Variants in LRP1B observed in about 807,000 individuals in gnomAD.
The protein encoded by LRP1B is LDL receptor related protein 1B.
Under a neutral mutation model 556.6 loss-of-function variants are expected in LRP1B, and 217 were observed. The observed-to-expected ratio is 0.39, with a 90% confidence interval of 0.35 to 0.44. The LOEUF is 0.44. Among genes scored for constraint, LRP1B ranks in the 20% least tolerant of loss-of-function variants. The pLI is 1.00. For missense variants in LRP1B, 5,053 were observed against 5,620.8 expected, an observed-to-expected ratio of 0.90 and a Z score of 3.23; for synonymous variants, 2,047 against 1,865.8, an observed-to-expected ratio of 1.10 and a Z score of -2.50.
chr2:141,329,319 A>AG (rs1161589093), intron 3 of LRP1B, among the ~76,000 whole-genome samples: 4 of 147,884 alleles, frequency 2.7e-5, no homozygotes, highest in African/African-American at 1.0e-4. Context: ...AACCGGGAAG[A>AG]GGAGGTCAAA....
chr2:141,691,818 A>G (rs1171157220), intron 2 of LRP1B, among the ~76,000 whole-genome samples: 1 of 151,846 alleles, frequency 6.6e-6, no homozygotes, highest in Non-Finnish European at 1.5e-5. Context: ...CGTCTTCTGC[A>G]CTCCACAATC....
chr2:140,625,404 C>CCTGTT (rs1683620499), intron 41 of LRP1B, among the ~76,000 whole-genome samples: 1 of 152,096 alleles, frequency 6.6e-6, no homozygotes, highest in Admixed American at 6.6e-5. Context: ...AACTTAAAAG[C>CCTGTT]CTGTTCTGCA....
intron 2 of LRP1B, among the ~76,000 whole-genome samples, chr2:141,740,329 G>A (rs187093005): frequency 6.6e-6 from 1 of 152,162 alleles, no homozygotes; most frequent in Non-Finnish European, 1.5e-5. Flanking sequence ...AGTCTAATCA[G>A]TGTAATATAC....
At chr2:141,277,100 G>T (rs1467395929) in intron 3 of LRP1B, among the ~76,000 whole-genome samples, 1 of 152,160 alleles carries the variant, frequency 6.6e-6, no homozygotes, top group African/African-American at 2.4e-5. Flanking sequence ...TAATAAACAT[G>T]CAAGTGCATA....
Position 141,196,344 on chromosome 2 carries a change from T to G in LRP1B, c.851-7761A>C, listed in dbSNP as rs372444122. ...ATTAGTATTTTTAAAATTTAAAGCT[T>G]ATATATAACTTAACGACTTTCTGCT... On this transcript the variant is annotated intron_variant, in intron 6 of 90. Transcript: ENST00000389484. Among the ~76,000 whole-genome samples, 28 of 152,174 alleles carry G rather than the reference T, an allele frequency of 1.8e-4. 1 individual carries two copies. Among genetic ancestry groups the G allele is most frequent in the East Asian group, 1.7e-3 (9 of 5,148 alleles).
At chr2:141,303,241 G>A (rs1022381272) in intron 3 of LRP1B, among the ~76,000 whole-genome samples, 8 of 152,170 alleles carry the variant, frequency 5.3e-5, no homozygotes, top group South Asian at 2.1e-4. Flanking sequence ...GCTATTTAGC[G>A]TATCCATCAC....
At chr2:141,786,663 C>A (rs1436433852) in intron 2 of LRP1B, among the ~76,000 whole-genome samples, 1 of 151,826 alleles carries the variant, frequency 6.6e-6, no homozygotes, top group Non-Finnish European at 1.5e-5. Flanking sequence ...CTGGCTAGGA[C>A]CACTGGTATG....
intron 76 of LRP1B, 144 bp from the exon 77 acceptor site, chr2:140,351,182 G>C (rs1420169588): frequency 1.8e-6 from 1 of 549,646 alleles, no homozygotes; most frequent in Non-Finnish European, 3.1e-6. Context: ...TTGTCTTTTA[G>C]TCTTTATGGC....
intron 1 of LRP1B, among the ~76,000 whole-genome samples, chr2:141,856,347 A>G (rs1449071848): frequency 6.6e-6 from 1 of 152,162 alleles, no homozygotes; most frequent in African/African-American, 2.4e-5. Context: ...CAAAAGGATC[A>G]TCTAATCCAG....
chr2:140,888,653 T>C (rs1693709441), intron 23 of LRP1B, among the ~76,000 whole-genome samples: 1 of 152,074 alleles, frequency 6.6e-6, no homozygotes, highest in Non-Finnish European at 1.5e-5. Flanking sequence ...AGAAATGTGT[T>C]AGCAAAATTG....
chr2:141,643,920 A>T (rs1427653452), intron 2 of LRP1B, among the ~76,000 whole-genome samples: 1 of 152,084 alleles, frequency 6.6e-6, no homozygotes, highest in African/African-American at 2.4e-5. Context: ...CAAGGATTAG[A>T]ATAGGTTTAG....
intron 2 of LRP1B, among the ~76,000 whole-genome samples, chr2:141,612,994 A>G (rs1465375125): frequency 6.7e-5 from 10 of 150,310 alleles, no homozygotes; most frequent in Admixed American, 1.3e-4. Flanking sequence ...TATTTTCAGT[A>G]GAGATGGGGT....
At position 140,980,860 on chromosome 2, in the gene LRP1B, C is replaced by T. The variant is rs375209789; in HGVS notation, c.2887+1300G>A. Among the ~76,000 whole-genome samples, 114 of 152,244 alleles carry T rather than the reference C, an allele frequency of 7.5e-4. 2 individuals are homozygous for T. The highest frequency in any genetic ancestry group is 1.1e-3 in the Non-Finnish European group (76 of 68,000). On this transcript the variant is annotated intron_variant, in intron 18 of 90. Coordinates refer to ENST00000389484, the MANE Select transcript of LRP1B (RefSeq NM_018557.3). ...CCAACCTTAGTGCCCATCCAACCAA[C>T]GCCTGGATAAAGAAAATGTAGTATA... is the stretch of plus-strand genomic sequence containing the variant.
At chr2:141,003,191 C>G (rs1697475696) in intron 15 of LRP1B, among the ~76,000 whole-genome samples, 1 of 151,760 alleles carries the variant, frequency 6.6e-6, no homozygotes. Flanking sequence ...TCCCAAATAT[C>G]AACTAAAAAG....
intron 1 of LRP1B, among the ~76,000 whole-genome samples, chr2:142,020,689 G>T (rs1190748894): frequency 1.3e-5 from 2 of 151,854 alleles, no homozygotes; most frequent in Non-Finnish European, 2.9e-5. Context: ...GCTTGTGTAT[G>T]AAATAGAGTA....
chr2:140,614,115 T>A (rs1683176347), intron 41 of LRP1B, among the ~76,000 whole-genome samples: 1 of 152,072 alleles, frequency 6.6e-6, no homozygotes. Flanking sequence ...CTTTCCAGAC[T>A]TCAGAGAGCT....
In LRP1B at chr2:140,238,604, G is replaced by A. The variant is rs997024890; in HGVS notation, c.13416-308C>T. Among the ~76,000 whole-genome samples, 6 of 150,750 alleles carry A rather than the reference G, an allele frequency of 4.0e-5. No individual in the cohort carries two copies. In the Admixed American group the frequency reaches 4.0e-4, roughly 10 times the overall value. On this transcript the variant is annotated intron_variant, in intron 88 of 90. Transcript: ENST00000389484. ...CTGAAAACTATCACAACAAAATAGTGATAAACTCTAAGATTGTTTTCAATC... is the reference window on the plus strand; with the variant it reads ...CTGAAAACTATCACAACAAAATAGTAATAAACTCTAAGATTGTTTTCAATC...
chr2:141,638,190 G>GA (rs1007183332), intron 2 of LRP1B, among the ~76,000 whole-genome samples: 15 of 151,628 alleles, frequency 9.9e-5, no homozygotes, highest in African/African-American at 2.9e-4. Context: ...TTGTCTCAAA[G>GA]AAAAAAAACT....
At chr2:141,228,748 T>A (rs901192106) in intron 6 of LRP1B, among the ~76,000 whole-genome samples, 3 of 152,270 alleles carry the variant, frequency 2.0e-5, no homozygotes, top group African/African-American at 7.2e-5. Context: ...TTAATTTCCT[T>A]TAAAGAGAGT....
Sources: allele counts gnomAD v4.1 joint callset (sites outside exome capture counted in the v4.1 genomes callset), GRCh38; gene constraint gnomAD v4.1.1; transcripts MANE v1.5; gene names NCBI Gene and HGNC (gene_info 2026-07-23, HGNC 2026-07-21).